Variants in RANBP2 observed in about 807,000 individuals in gnomAD.
RANBP2 encodes the protein RAN binding protein 2.
RANBP2 carries 57 observed loss-of-function variants against 303.6 expected under a neutral mutation model. The ratio of observed to expected loss-of-function variants is 0.19; its 90% confidence interval spans 0.15 to 0.23. The LOEUF is 0.23. RANBP2 is among the 10% of genes least tolerant of loss of function. The pLI is 1.00. For synonymous variants in RANBP2, 1,167 were observed against 1,301.5 expected (o/e 0.90, Z 2.23); for missense variants, 3,138 against 3,780.8 (o/e 0.83, Z 4.46).
At chr2:109,714,993 G>C in the RANBP2 span, among the ~76,000 whole-genome samples, 1 of 138,850 alleles carries the variant, frequency 7.2e-6, no homozygotes, top group Non-Finnish European at 1.6e-5. Flanking sequence ...GCGGGGCGTG[G>C]AGTTTCGCTC....
chr2:109,031,002 T>C, the RANBP2 span, among the ~76,000 whole-genome samples: 2 of 152,184 alleles, frequency 1.3e-5, no homozygotes, highest in Non-Finnish European at 2.9e-5. Context: ...CCACCATCAG[T>C]GTCATCTGCA....
the RANBP2 span, chr2:108,907,971 G>C: frequency 6.2e-7 from 1 of 1,613,116 alleles, no homozygotes; most frequent in South Asian, 1.1e-5. Context: ...CATCACTGTC[G>C]ACGCTCCGGC....
chr2:108,737,702 C>G (rs904753211), intron 6 of RANBP2, among the ~76,000 whole-genome samples: 4 of 150,266 alleles, frequency 2.7e-5, no homozygotes, highest in Non-Finnish European at 5.9e-5. Context: ...GTGCCCGCCA[C>G]CACACCTGGC....
the RANBP2 span, among the ~76,000 whole-genome samples, chr2:109,739,915 T>G: frequency 3.3e-5 from 5 of 150,100 alleles, 1 homozygote; most frequent in Admixed American, 6.7e-5. Context: ...GTTTTTTTTT[T>G]TTGTTATAAA....
the RANBP2 span, among the ~76,000 whole-genome samples, chr2:109,297,594 G>T: frequency 7.0e-6 from 1 of 142,598 alleles, no homozygotes; most frequent in African/African-American, 2.7e-5. Flanking sequence ...AACCCAGTCA[G>T]TGCCCCCAAC....
At position 108,764,023 on chromosome 2, in the gene RANBP2, C is replaced by T. The variant is rs143175615; in HGVS notation, c.3484C>T (p.His1162Tyr). 1.5e-5 allele frequency: 24 copies of T among 1,613,690 alleles called. No individual in the cohort carries two copies. In the African/African-American group the frequency reaches 2.7e-4, roughly 18 times the overall value. Residue 1162 changes from histidine (H) to tyrosine (Y), a missense_variant, in exon 20 of 29, where the codon CAT becomes TAT. Coordinates refer to ENST00000283195, the MANE Select transcript of RANBP2 (RefSeq NM_006267.5). ...KNHETDGGSA[H>Y]GDDDDDGPHF... ...TCATGAGACAGATGGAGGAAGTGCC[C>T]ATGGGGATGATGATGATGACGGTCC...
At chr2:109,207,845 A>G in the RANBP2 span, among the ~76,000 whole-genome samples, 1 of 152,148 alleles carries the variant, frequency 6.6e-6, no homozygotes, top group African/African-American at 2.4e-5. Context: ...ACTATACCTC[A>G]TATTGTTTGG....
chr2:109,555,815 CTCT>C, the RANBP2 span, among the ~76,000 whole-genome samples: 1 of 152,188 alleles, frequency 6.6e-6, no homozygotes, highest in African/African-American at 2.4e-5. Context: ...GCAGGACGCT[CTCT>C]TCTTCTTCCC....
chr2:109,460,509 G>A, the RANBP2 span, among the ~76,000 whole-genome samples: 1 of 152,320 alleles, frequency 6.6e-6, no homozygotes, highest in Admixed American at 6.5e-5. Context: ...TGGCCACTCT[G>A]TTCATGGGTC....
chr2:109,188,871 C>T, the RANBP2 span, among the ~76,000 whole-genome samples: 1 of 152,110 alleles, frequency 6.6e-6, no homozygotes, highest in Admixed American at 6.5e-5. Context: ...GGAACGTGTT[C>T]GCTTTGCCGG....
At chr2:109,331,480 G>C in the RANBP2 span, among the ~76,000 whole-genome samples, 2 of 152,074 alleles carry the variant, frequency 1.3e-5, no homozygotes, top group East Asian at 3.9e-4. Context: ...AAACCTCAGG[G>C]CTCCCGCGTC....
chr2:109,613,717 G>C, the RANBP2 span: 3 of 947,170 alleles, frequency 3.2e-6, no homozygotes, highest in Non-Finnish European at 4.1e-6. Flanking sequence ...GGCCGGACCA[G>C]GGGGCCGGTG....
chr2:109,446,164 T>G, the RANBP2 span, among the ~76,000 whole-genome samples: 1 of 152,132 alleles, frequency 6.6e-6, no homozygotes, highest in East Asian at 1.9e-4. Flanking sequence ...ATGAGCACAC[T>G]CTTCACCAGC....
At chr2:109,543,088 T>C in the RANBP2 span, 1 of 152,626 alleles carries the variant, frequency 6.6e-6, no homozygotes, top group Non-Finnish European at 1.5e-5. Flanking sequence ...TAAGAAATGT[T>C]AGAAATCATT....
At chr2:109,123,544 T>C in the RANBP2 span, among the ~76,000 whole-genome samples, 5 of 152,210 alleles carry the variant, frequency 3.3e-5, no homozygotes, top group African/African-American at 1.2e-4. Context: ...GTCTTATTCA[T>C]GAGCTCCAGG....
the RANBP2 span, among the ~76,000 whole-genome samples, chr2:109,442,617 T>A: frequency 6.6e-6 from 1 of 152,182 alleles, no homozygotes; most frequent in Non-Finnish European, 1.5e-5. Context: ...GGTATACTAC[T>A]GTAACATTCT....
chr2:109,647,537 C>T, the RANBP2 span, among the ~76,000 whole-genome samples: 14 of 151,420 alleles, frequency 9.2e-5, no homozygotes, highest in Non-Finnish European at 1.6e-4. Context: ...GGCGTGATCT[C>T]GGCTCACTGC....
chr2:109,457,593 G>C, the RANBP2 span, among the ~76,000 whole-genome samples: 2 of 152,272 alleles, frequency 1.3e-5, no homozygotes, highest in Non-Finnish European at 2.9e-5. Flanking sequence ...GTGTGACAGT[G>C]TGGCTGGGGC....
the RANBP2 span, among the ~76,000 whole-genome samples, chr2:108,824,902 G>C: frequency 6.6e-6 from 1 of 152,096 alleles, no homozygotes; most frequent in African/African-American, 2.4e-5. Context: ...GTTATATGTG[G>C]TCAGTTGACC....
Sources: allele counts gnomAD v4.1 joint callset (sites outside exome capture counted in the v4.1 genomes callset), GRCh38; gene constraint gnomAD v4.1.1; transcripts MANE v1.5; gene names NCBI Gene and HGNC (gene_info 2026-07-23, HGNC 2026-07-21).